The following TGFBR3 variants were observed in gnomAD, a reference collection of about 807,000 sequenced individuals.
TGFBR3 encodes transforming growth factor beta receptor 3, also known as transforming growth factor beta receptor type 3.
TGFBR3 carries 46 observed loss-of-function variants against 87.9 expected under a neutral mutation model. The observed-to-expected ratio is 0.52, with a 90% confidence interval of 0.41 to 0.67. The LOEUF is 0.67. Among genes scored for constraint, TGFBR3 ranks in the 30% least tolerant of loss-of-function variants. The probability of loss-of-function intolerance (pLI) is 0.00; values close to 1 mark genes in which losing one functional copy is unlikely to be tolerated. For missense variants in TGFBR3, 866 were observed against 1,041.9 expected (o/e 0.83, Z 2.32); for synonymous variants, 381 against 391.6 (o/e 0.97, Z 0.32).
intron 12 of TGFBR3, among the ~76,000 whole-genome samples, chr1:91,713,250 C>T (rs1049520623): frequency 3.3e-5 from 5 of 152,188 alleles, no homozygotes; most frequent in African/African-American, 1.2e-4. Context: ...ACGTTTCCGA[C>T]TCATTTATAC....
intron 5 of TGFBR3, among the ~76,000 whole-genome samples, chr1:91,733,873 A>G (rs955331885): frequency 6.6e-6 from 1 of 152,140 alleles, no homozygotes; most frequent in Non-Finnish European, 1.5e-5. Context: ...GTGTCTACAA[A>G]AAATTGTAAA....
intron 7 of TGFBR3, 56 bp downstream of exon 7, chr1:91,727,603 G>C: frequency 1.2e-6 from 2 of 1,602,590 alleles, no homozygotes; most frequent in Admixed American, 3.3e-5. Context: ...ATAAAGTACA[G>C]CTTAAATTGT....
chr1:91,849,846 G>A (rs1677651207), intron 2 of TGFBR3, among the ~76,000 whole-genome samples: 1 of 152,076 alleles, frequency 6.6e-6, no homozygotes, highest in Non-Finnish European at 1.5e-5. Flanking sequence ...ACTTTGGGAG[G>A]CCGAGGCGGG....
At chr1:91,707,186 A>AG (rs1036248196) in intron 14 of TGFBR3, among the ~76,000 whole-genome samples, 5 of 152,222 alleles carry the variant, frequency 3.3e-5, no homozygotes, top group Admixed American at 1.3e-4. Context: ...AGCTGGTGGT[A>AG]GGGGGGTTCT....
intron 4 of TGFBR3, among the ~76,000 whole-genome samples, chr1:91,747,148 G>A (rs527717484): frequency 3.7e-4 from 56 of 152,288 alleles, no homozygotes; most frequent in African/African-American, 1.2e-3. Flanking sequence ...GATTCAAACT[G>A]TCTGCTGGAC....
chr1:91,811,053 G>A (rs1296918378), intron 2 of TGFBR3, among the ~76,000 whole-genome samples: 4 of 152,220 alleles, frequency 2.6e-5, no homozygotes, highest in African/African-American at 9.6e-5. Flanking sequence ...GCTCACACCT[G>A]TAATCCCAGC....
rs139875881 is a variant in TGFBR3 at position 91,708,340 on chromosome 1, T to C, written c.2287+323A>G. Among the ~76,000 whole-genome samples, 73 of 152,242 alleles carry C rather than the reference T, an allele frequency of 4.8e-4. No homozygotes were observed. The East Asian group carries it at 0.012, about 25-fold the overall frequency. On this transcript the variant is annotated intron_variant, in intron 14 of 16. Coordinates refer to ENST00000212355, the MANE Select transcript of TGFBR3 (RefSeq NM_003243.5). ...TGGATTGTGTGCAATTCCCGGGACA[T>C]GGGACTAACTAGAACCCTTTTTTGC...
At chr1:91,854,643 A>G (rs146950891) in intron 2 of TGFBR3, among the ~76,000 whole-genome samples, 1 of 152,338 alleles carries the variant, frequency 6.6e-6, no homozygotes, top group East Asian at 1.9e-4. Context: ...GAGGTTATGC[A>G]TATGTTAAAA....
rs1678197165 is a variant in TGFBR3, at chr1:91,861,587, G to C, written c.-56C>G. 1.4e-6 allele frequency: 2 copies of C among 1,395,516 alleles called. No homozygotes were observed. The highest frequency in any genetic ancestry group is 4.6e-5 in the East Asian group (2 of 43,682). 86.4% of individuals were successfully genotyped at this position (1,395,516 alleles called of 1,614,324 possible). A position where few individuals can be genotyped will look rare whatever the true frequency, so the allele number is the denominator to read the frequency against. On this transcript the variant is annotated 5_prime_UTR_variant, in exon 2 of 17. Transcript: ENST00000212355. Reference sequence around the variant, plus strand: ...GTCACTTCAGCCTGCTCAGAGCACAGACAATCTTTGCAAATCAGAAGTAGT... The same window carrying C: ...GTCACTTCAGCCTGCTCAGAGCACACACAATCTTTGCAAATCAGAAGTAGT...
chr1:91,692,979 C>T (rs1450364237), intron 16 of TGFBR3, among the ~76,000 whole-genome samples: 1 of 152,224 alleles, frequency 6.6e-6, no homozygotes, highest in Non-Finnish European at 1.5e-5. Flanking sequence ...GTGAGTTCCA[C>T]AGCTTCAATC....
At chr1:91,864,586 A>T (rs1678316046) in intron 1 of TGFBR3, among the ~76,000 whole-genome samples, 1 of 152,212 alleles carries the variant, frequency 6.6e-6, no homozygotes, top group African/African-American at 2.4e-5. Flanking sequence ...GTTTTTGTCT[A>T]ATCTCCCCAG....
At chr1:91,772,420 A>G (rs941348779) in intron 3 of TGFBR3, among the ~76,000 whole-genome samples, 6 of 152,118 alleles carry the variant, frequency 3.9e-5, no homozygotes, top group Non-Finnish European at 2.9e-5. Context: ...AGAAAAATCA[A>G]ACTCTAGCCC....
At position 91,729,905 on chromosome 1, in the gene TGFBR3, G is replaced by C; in HGVS notation, c.637C>G (p.Leu213Val). ...FLSLNYLAEY[L>V]QPKAAEGCVM... ...CACCCTTCTGCTGCTTTGGGTTGAAGGTACTCAGCAAGGTAATTGAGTGAG... is the reference window on the plus strand; with the variant it reads ...CACCCTTCTGCTGCTTTGGGTTGAACGTACTCAGCAAGGTAATTGAGTGAG... Residue 213 changes from leucine to valine, a missense_variant, in exon 6 of 17, where the codon CTT (leucine) becomes GTT (valine). Coordinates refer to ENST00000212355, the MANE Select transcript of TGFBR3 (RefSeq NM_003243.5). 1 of 1,614,160 alleles carries C rather than the reference G, an allele frequency of 6.2e-7. No homozygotes were observed.
At chr1:91,843,239 C>T (rs1677356905) in intron 2 of TGFBR3, among the ~76,000 whole-genome samples, 1 of 152,128 alleles carries the variant, frequency 6.6e-6, no homozygotes, top group African/African-American at 2.4e-5. Context: ...GGCACGCTAA[C>T]AGGTGGAGCA....
At chr1:91,782,292 T>C (rs1674800973) in intron 3 of TGFBR3, among the ~76,000 whole-genome samples, 1 of 152,186 alleles carries the variant, frequency 6.6e-6, no homozygotes, top group Non-Finnish European at 1.5e-5. Context: ...TGGGGCCAGA[T>C]GACTGAGGCA....
intron 3 of TGFBR3, chr1:91,770,719 T>C (rs1482221506): frequency 6.6e-6 from 1 of 152,214 alleles, no homozygotes; most frequent in Admixed American, 6.5e-5. Flanking sequence ...TCTGTTATGT[T>C]GGCAGTACAC....
chr1:91,860,881 G>C (rs546114613), intron 2 of TGFBR3, among the ~76,000 whole-genome samples: 1 of 126,608 alleles, frequency 7.9e-6, no homozygotes, highest in Middle Eastern at 5.9e-3. Context: ...GCAGTGAGCC[G>C]AGATCAGGCC....
At chr1:91,821,581 T>C (rs1425775530) in intron 2 of TGFBR3, among the ~76,000 whole-genome samples, 1 of 152,202 alleles carries the variant, frequency 6.6e-6, no homozygotes, top group Non-Finnish European at 1.5e-5. Context: ...TCAGTGTCTC[T>C]CTAGGAAGCA....
rs1488884342 is a variant in TGFBR3, at chr1:91,716,671, C to T, written c.1604G>A (p.Gly535Asp). The change falls in exon 11 of 17, where the codon GGT (glycine) becomes GAT (aspartate). Residue 535 changes from glycine (G) to aspartate (D), a missense_variant. Physicochemically the swap from Gly to Asp is moderately conservative, Grantham distance 94. Transcript: ENST00000212355. The part of the protein sequence containing the change: ...IQVPALGDSS[G>D]WPDGYEDLES... ...CAGATCTTCATAACCATCTGGCCAA[C>T]CACTACTGTCCCCAAGGGCTGGAAC... 9.9e-6 allele frequency: 16 copies of T among 1,614,016 alleles called. No homozygotes were observed. The Admixed American group carries it at 2.7e-4, about 27-fold the overall frequency.
Sources: allele counts gnomAD v4.1 joint callset (sites outside exome capture counted in the v4.1 genomes callset), GRCh38; gene constraint gnomAD v4.1.1; transcripts MANE v1.5; gene names NCBI Gene and HGNC (gene_info 2026-07-23, HGNC 2026-07-21).